VPS8: variants seen among roughly 807,000 people sequenced by gnomAD.
VPS8 encodes the protein vacuolar protein sorting-associated protein 8 homolog.
VPS8 carries 129 observed loss-of-function variants against 216.4 expected under a neutral mutation model. That is an observed-to-expected ratio of 0.60 (90% CI 0.52 to 0.69). The LOEUF (loss-of-function observed/expected upper bound fraction) is 0.69. VPS8 is among the 30% of genes least tolerant of loss of function. The probability of loss-of-function intolerance (pLI) is 0.00; values close to 1 mark genes in which losing one functional copy is unlikely to be tolerated. For synonymous variants in VPS8, 571 were observed against 565.4 expected (o/e 1.01, Z -0.14); for missense variants, 1,531 against 1,683.5 (o/e 0.91, Z 1.59).
chr3:184,891,729 T>C (rs1290636353), intron 22 of VPS8, among the ~76,000 whole-genome samples: 1 of 152,138 alleles, frequency 6.6e-6, no homozygotes. Context: ...CTTTTATAAA[T>C]AAGGAAACCA....
intron 1 of VPS8, chr3:184,816,217 A>G (rs1716295401): frequency 6.6e-6 from 1 of 152,236 alleles, no homozygotes; most frequent in Non-Finnish European, 1.5e-5. Context: ...CAATAAAGTT[A>G]GAATTTCTAC....
chr3:184,831,543 A>G (rs1282792685), intron 3 of VPS8, among the ~76,000 whole-genome samples: 2 of 152,198 alleles, frequency 1.3e-5, no homozygotes. Flanking sequence ...GTCACTCAGA[A>G]TCAACTTGGG....
In VPS8 at chr3:184,852,584, C is replaced by T; in HGVS notation, c.821+17C>T. 1 of 1,608,336 alleles carries T rather than the reference C, an allele frequency of 6.2e-7. No homozygotes were observed. The highest frequency in any genetic ancestry group is 1.3e-5 in the African/African-American group (1 of 74,682). ...GACATTTAAGTAAGAGACTAGTGGA[C>T]ATTTGTTGACAAATGAAAAGACTAG... On this transcript the variant is annotated intron_variant, in intron 11 of 47. Coordinates refer to ENST00000625842, the MANE Select transcript of VPS8 (RefSeq NM_001009921.3).
chr3:184,968,829 C>G (rs180975988), intron 39 of VPS8, among the ~76,000 whole-genome samples: 1 of 152,290 alleles, frequency 6.6e-6, no homozygotes, highest in Admixed American at 6.5e-5. Context: ...TTAGAGACTC[C>G]TTGGTCCACG....
At chr3:184,902,207 G>A (rs1734635470) in intron 25 of VPS8, among the ~76,000 whole-genome samples, 1 of 151,440 alleles carries the variant, frequency 6.6e-6, no homozygotes, top group Non-Finnish European at 1.5e-5. Context: ...GCCAGGCATG[G>A]TGGCTCATGC....
intron 36 of VPS8, among the ~76,000 whole-genome samples, chr3:184,956,656 A>G (rs957765564): frequency 6.6e-6 from 1 of 152,228 alleles, no homozygotes; most frequent in Admixed American, 6.5e-5. Flanking sequence ...ACTTTCGGCC[A>G]TCAGTAGTTG....
At chr3:184,948,657 T>C (rs9840208) in intron 36 of VPS8, among the ~76,000 whole-genome samples, 13,502 of 152,208 alleles carry the variant, frequency 0.089, 640 homozygotes, top group African/African-American at 0.095. Flanking sequence ...GTCCCCAGAA[T>C]ATTCTGAGGT....
At chr3:184,845,549 C>T (rs1488076737) in intron 8 of VPS8, among the ~76,000 whole-genome samples, 2 of 151,988 alleles carry the variant, frequency 1.3e-5, no homozygotes, top group African/African-American at 2.4e-5. Context: ...CACTTAAGGT[C>T]GGGAGTTCGA....
chr3:184,833,412 C>G (rs1720421293), intron 4 of VPS8, among the ~76,000 whole-genome samples: 2 of 152,144 alleles, frequency 1.3e-5, no homozygotes, highest in South Asian at 2.1e-4. Context: ...TGTTTTTCTT[C>G]TTCTTCGATT....
Position 184,936,252 on chromosome 3 carries a change from G to C in VPS8, c.2905G>C (p.Val969Leu), listed in dbSNP as rs367968447. ...QKAMDHIEEL[V>L]SLKPCKAAEL... ...TCTTTTCCTTTAACTCCAGGAACTCGTGTCCCTGAAGCCTTGTAAAGCTGC... is the reference window on the plus strand; with the variant it reads ...TCTTTTCCTTTAACTCCAGGAACTCCTGTCCCTGAAGCCTTGTAAAGCTGC... Residue 969 changes from valine to leucine, a missense_variant, in exon 35 of 48, where the codon GTG (valine) becomes CTG (leucine). Around this residue, in one of 3 missense-constraint regions of VPS8, gnomAD observed 1,318 missense variants for 1,468.4 expected, o/e 0.90. Coordinates refer to ENST00000625842, the MANE Select transcript of VPS8 (RefSeq NM_001009921.3). The C allele has an allele frequency of 8.1e-6, 13 of 1,607,242 alleles. No individual in the cohort carries two copies. The South Asian group carries it at 1.5e-4, about 18-fold the overall frequency.
At chr3:184,886,084 A>C in intron 21 of VPS8, 26 bp from the exon 22 acceptor site, 1 of 1,602,302 alleles carries the variant, frequency 6.2e-7, no homozygotes, top group Non-Finnish European at 8.5e-7. Context: ...TGTGGGGCTG[A>C]TGCTTTCTTT....
At chr3:184,843,165 C>T in intron 7 of VPS8, 75 bp from the exon 8 acceptor site, 4 of 1,159,724 alleles carry the variant, frequency 3.4e-6, no homozygotes, top group Non-Finnish European at 4.6e-6. Flanking sequence ...TTTTTACCTG[C>T]CTTTTCTTCG....
intron 45 of VPS8, among the ~76,000 whole-genome samples, chr3:185,001,834 C>T (rs549275128): frequency 1.1e-4 from 16 of 152,254 alleles, no homozygotes; most frequent in Non-Finnish European, 1.6e-4. Context: ...CAGGAGATTC[C>T]AAGGGTTTTA....
intron 21 of VPS8, among the ~76,000 whole-genome samples, chr3:184,874,119 C>T (rs865919858): frequency 9.2e-5 from 14 of 151,780 alleles, no homozygotes; most frequent in African/African-American, 3.1e-4. Context: ...TGCTGACATC[C>T]CCAGTGTGAA....
intron 46 of VPS8, among the ~76,000 whole-genome samples, chr3:185,029,861 G>A (rs758923261): frequency 4.5e-4 from 68 of 152,132 alleles, no homozygotes; most frequent in Non-Finnish European, 3.4e-4. Flanking sequence ...ACCACGCCCT[G>A]CCCACAACAC....
intron 36 of VPS8, among the ~76,000 whole-genome samples, chr3:184,952,316 A>G (rs868397293): frequency 1.6e-4 from 24 of 152,152 alleles, no homozygotes; most frequent in Non-Finnish European, 3.4e-4. Flanking sequence ...CCACACACCA[A>G]TCAAGCAGTT....
chr3:185,037,596 A>G (rs1457165576), intron 46 of VPS8, among the ~76,000 whole-genome samples: 1 of 151,950 alleles, frequency 6.6e-6, no homozygotes, highest in Non-Finnish European at 1.5e-5. Flanking sequence ...CTCTTTGTGC[A>G]TATATTGGGC....
intron 46 of VPS8, among the ~76,000 whole-genome samples, chr3:185,027,338 G>A (rs548615192): frequency 6.6e-6 from 1 of 150,444 alleles, no homozygotes; most frequent in African/African-American, 2.5e-5. Flanking sequence ...CGCCTCCCGG[G>A]TTCACGCCAT....
In VPS8 at chr3:184,885,955, A is replaced by C; in HGVS notation, c.1735-155A>C. The C allele has an allele frequency of 9.0e-6, 6 of 669,986 alleles. No homozygotes were observed. The South Asian group carries it at 1.2e-4, about 13-fold the overall frequency. The allele number at this position is 669,986 out of a possible 1,614,324, so 41.5% of individuals were successfully genotyped here. ...ACTAGGTCAAAATGTTCTGTTTTTC[A>C]GACTTTGACACATAATGCCAAATTG... is the stretch of plus-strand genomic sequence containing the variant. On this transcript the variant is annotated intron_variant, in intron 21 of 47. Transcript: ENST00000625842.
Sources: allele counts gnomAD v4.1 joint callset (sites outside exome capture counted in the v4.1 genomes callset), GRCh38; gene constraint gnomAD v4.1.1; regional missense constraint gnomAD v4.1.1; transcripts MANE v1.5; gene names NCBI Gene and HGNC (gene_info 2026-07-23, HGNC 2026-07-21).